Variants in CDH20 observed in about 807,000 individuals in gnomAD.
CDH20 encodes the protein cadherin-20.
In CDH20, 29 loss-of-function variants were observed where a neutral mutation model predicts 74.2. That is an observed-to-expected ratio of 0.39 (90% confidence interval 0.29 to 0.53). CDH20 has a LOEUF of 0.53. Ranked by LOEUF, CDH20 falls within the 20% of genes least tolerant of loss-of-function variation. The probability of loss-of-function intolerance (pLI) is 0.69; values close to 1 mark genes in which losing one functional copy is unlikely to be tolerated. For missense variants in CDH20, 988 were observed against 1,048.3 expected, an observed-to-expected ratio of 0.94 and a Z score of 0.79; for synonymous variants, 469 against 405.4, an observed-to-expected ratio of 1.16 and a Z score of -1.88.
At chr18:61,515,278 C>T (rs553999215) in intron 6 of CDH20, among the ~76,000 whole-genome samples, 95 of 152,274 alleles carry the variant, frequency 6.2e-4, no homozygotes, top group Non-Finnish European at 1.2e-3. Flanking sequence ...TGCTGTCCGT[C>T]ACCCCTTTCT....
chr18:61,503,199 G>A, intron 5 of CDH20, 79 bp downstream of exon 5: 1 of 1,068,542 alleles, frequency 9.4e-7, no homozygotes, highest in Non-Finnish European at 1.3e-6. Flanking sequence ...AGAAAGCCCA[G>A]TTTGAGTTTC....
chr18:61,415,370 G>A (rs1251142453), intron 1 of CDH20, among the ~76,000 whole-genome samples: 4 of 152,118 alleles, frequency 2.6e-5, no homozygotes, highest in Non-Finnish European at 4.4e-5. Flanking sequence ...ACCTCACTGG[G>A]TCAAGTAAAT....
intron 1 of CDH20, among the ~76,000 whole-genome samples, chr18:61,357,025 A>G (rs1009779232): frequency 1.3e-5 from 2 of 152,200 alleles, no homozygotes; most frequent in Admixed American, 6.5e-5. Context: ...TAATTCTTGA[A>G]GGCTTAACTA....
chr18:61,361,648 T>C (rs1408053272), intron 1 of CDH20, among the ~76,000 whole-genome samples: 1 of 152,214 alleles, frequency 6.6e-6, no homozygotes, highest in Admixed American at 6.5e-5. Flanking sequence ...CAGTTAAGTA[T>C]AGAAATTGAG....
intron 1 of CDH20, among the ~76,000 whole-genome samples, chr18:61,386,336 T>TA (rs563064569): frequency 1.5e-4 from 23 of 152,260 alleles, no homozygotes; most frequent in Admixed American, 5.2e-4. Flanking sequence ...GTGCCCTTTT[T>TA]AAAAAAGGCC....
At chr18:61,486,604 C>T (rs1910770573) in intron 1 of CDH20, among the ~76,000 whole-genome samples, 1 of 146,174 alleles carries the variant, frequency 6.8e-6, no homozygotes, top group East Asian at 2.1e-4. Flanking sequence ...TGTCATGTTT[C>T]ATTGTACTAT....
chr18:61,384,297 G>A (rs1266644160), intron 1 of CDH20, among the ~76,000 whole-genome samples: 2 of 152,076 alleles, frequency 1.3e-5, no homozygotes, highest in African/African-American at 2.4e-5. Flanking sequence ...TCAGGAGAAC[G>A]AAAATAAGAA....
chr18:61,406,087 C>T lies in CDH20; in HGVS notation c.-153+72260C>T, dbSNP rs147247139. On this transcript the variant is annotated intron_variant, in intron 1 of 11. Coordinates refer to ENST00000262717, the MANE Select transcript of CDH20 (RefSeq NM_031891.4). ...CAATTCAAATGGCCCCAGCTGTATC[C>T]AGAATTAACATGAAAGCTTTCCTAA... Among the ~76,000 whole-genome samples, 992 of 151,988 alleles carry T rather than the reference C, an allele frequency of 6.5e-3. 12 individuals carry two copies. The highest frequency in any genetic ancestry group is 0.022 in the African/African-American group (928 of 41,442).
Position 61,528,162 on chromosome 18 carries a change from G to A in CDH20, c.1213G>A (p.Gly405Arg). ...FVEVPEDVAIGTTIQIISAKD... is the reference protein window; with the variant it reads ...FVEVPEDVAIRTTIQIISAKD... ...GGAGGTGCCTGAGGATGTGGCGATT[G>A]GAACAACCATACAGATCATTTCTGC... The change falls in exon 7 of 12, where the codon GGA (glycine) becomes AGA (arginine). Residue 405 changes from glycine (G) to arginine (R), a missense_variant. Transcript: ENST00000262717. 6.2e-7 allele frequency: 1 copy of A among 1,613,998 alleles called. No homozygotes were observed.
At chr18:61,441,256 T>C (rs1329882320) in intron 1 of CDH20, among the ~76,000 whole-genome samples, 1 of 152,196 alleles carries the variant, frequency 6.6e-6, no homozygotes, top group African/African-American at 2.4e-5. Context: ...TGATTTTGTA[T>C]ACAGTTGTGT....
intron 11 of CDH20, among the ~76,000 whole-genome samples, chr18:61,553,807 TA>T (rs59644782): frequency 0.067 from 10,265 of 152,222 alleles, 931 homozygotes; most frequent in African/African-American, 0.2. Flanking sequence ...TTTCATCATA[TA>T]AACAGAGCAC....
chr18:61,468,575 TC>T (rs1568151622), intron 1 of CDH20, among the ~76,000 whole-genome samples: 1 of 152,140 alleles, frequency 6.6e-6, no homozygotes, highest in South Asian at 2.1e-4. Context: ...TATCCCTTTT[TC>T]CCCCCTACTT....
At chr18:61,456,542 TA>T (rs1163849978) in intron 1 of CDH20, among the ~76,000 whole-genome samples, 2 of 152,030 alleles carry the variant, frequency 1.3e-5, no homozygotes, top group Middle Eastern at 3.4e-3. Flanking sequence ...CATAACTTTG[TA>T]AAAACAAACA....
intron 3 of CDH20, among the ~76,000 whole-genome samples, chr18:61,500,031 G>C (rs2332331): frequency 0.14 from 20,375 of 145,570 alleles, 1,601 homozygotes; most frequent in Non-Finnish European, 0.18. Flanking sequence ...TTGAACCCGG[G>C]AGGTGGAGAT....
intron 1 of CDH20, among the ~76,000 whole-genome samples, chr18:61,434,933 C>A (rs1172163736): frequency 6.6e-6 from 1 of 152,086 alleles, no homozygotes; most frequent in East Asian, 1.9e-4. Context: ...ACAGAAAACA[C>A]ATAGTTCCTA....
chr18:61,396,947 C>T (rs1912001757), intron 1 of CDH20, among the ~76,000 whole-genome samples: 1 of 152,206 alleles, frequency 6.6e-6, no homozygotes, highest in South Asian at 2.1e-4. Context: ...TTTATCCCTT[C>T]AAGCCTGGCT....
chr18:61,478,261 T>C (rs1430546618), intron 1 of CDH20, among the ~76,000 whole-genome samples: 2 of 152,164 alleles, frequency 1.3e-5, no homozygotes, highest in Non-Finnish European at 2.9e-5. Flanking sequence ...TCTGCCTTTC[T>C]GAATTTTTCT....
At chr18:61,459,828 T>G (rs772489666) in intron 1 of CDH20, among the ~76,000 whole-genome samples, 5 of 152,134 alleles carry the variant, frequency 3.3e-5, no homozygotes, top group Non-Finnish European at 7.4e-5. Context: ...CTAGGAATAC[T>G]CTAATCATTC....
chr18:61,356,911 G>A (rs975809313), intron 1 of CDH20, among the ~76,000 whole-genome samples: 2 of 152,198 alleles, frequency 1.3e-5, no homozygotes, highest in African/African-American at 2.4e-5. Context: ...TCCCTATACT[G>A]CTGACAAAGT....
Sources: allele counts gnomAD v4.1 joint callset (sites outside exome capture counted in the v4.1 genomes callset), GRCh38; gene constraint gnomAD v4.1.1; transcripts MANE v1.5; gene names NCBI Gene and HGNC (gene_info 2026-07-23, HGNC 2026-07-21).